The following CLUAP1 variants were observed in gnomAD, a reference collection of about 807,000 sequenced individuals.
The protein encoded by CLUAP1 is clusterin-associated protein 1.
A neutral mutation model predicts 55.0 loss-of-function variants in CLUAP1; 50 were observed. The observed-to-expected ratio is 0.91, with a 90% CI of 0.72 to 1.15. The LOEUF is 1.15. Ranked by LOEUF, CLUAP1 falls within the 50% of genes most tolerant of loss-of-function variation. The pLI, the probability that CLUAP1 is intolerant of heterozygous loss-of-function variation, is 0.00. For synonymous variants in CLUAP1, 195 were observed against 175.4 expected (o/e 1.11, Z -0.88); for missense variants, 530 against 507.6 (o/e 1.04, Z -0.42).
upstream of CLUAP1, chr16:3,496,819 A>G: frequency 8.8e-6 from 3 of 342,680 alleles, no homozygotes; most frequent in South Asian, 7.4e-5. Flanking sequence ...ACAAAAAGTT[A>G]AAACATTCAA....
chr16:3,503,089 C>T (rs866145912), intron 1 of CLUAP1, among the ~76,000 whole-genome samples: 40 of 152,258 alleles, frequency 2.6e-4, no homozygotes, highest in African/African-American at 9.1e-4. Context: ...ATTCTCCTGC[C>T]CCAGCCTCCC....
chr16:3,517,404 T>C (rs1199201897), intron 6 of CLUAP1, among the ~76,000 whole-genome samples: 3 of 152,184 alleles, frequency 2.0e-5, no homozygotes, highest in Non-Finnish European at 4.4e-5. Context: ...CCTCCTGGGT[T>C]CGAGCAATTC....
intron 8 of CLUAP1, among the ~76,000 whole-genome samples, chr16:3,524,988 A>G (rs2037913567): frequency 6.6e-6 from 1 of 152,172 alleles, no homozygotes; most frequent in Admixed American, 6.5e-5. Context: ...TATTAAGGTT[A>G]TGCTAGGCTT....
At position 3,532,367 on chromosome 16, in the gene CLUAP1, C is replaced by T. The variant is rs934439602; in HGVS notation, c.1037-419C>T. Among the ~76,000 whole-genome samples, 31 of 127,172 alleles carry T rather than the reference C, an allele frequency of 2.4e-4. 1 individual carries two copies. The South Asian group carries it at 7.9e-3, about 32-fold the overall frequency. The allele number at this position is 127,172 out of a possible 152,430, so 83.4% of individuals were successfully genotyped here. A position where few individuals can be genotyped will look rare whatever the true frequency, so the allele number is the denominator to read the frequency against. On this transcript the variant is annotated intron_variant, in intron 10 of 11. Coordinates refer to ENST00000576634, the MANE Select transcript of CLUAP1 (RefSeq NM_015041.3). ...CCTATATTTGCCTTTAAAAACATTT[C>T]TTATCTACCACCTGTTAATGTTTGG...
intron 10 of CLUAP1, 80 bp from the exon 11 acceptor site, chr16:3,532,706 C>G (rs2038149850): frequency 6.7e-7 from 1 of 1,489,290 alleles, no homozygotes; most frequent in African/African-American, 1.4e-5. Flanking sequence ...CATGCCTGGC[C>G]AGAAAACAAA....
chr16:3,527,308 C>T (rs965526350), intron 9 of CLUAP1, among the ~76,000 whole-genome samples: 5 of 152,030 alleles, frequency 3.3e-5, no homozygotes, highest in African/African-American at 1.2e-4. Context: ...CAATCATAAC[C>T]TAGGAAAAAA....
Position 3,512,457 on chromosome 16 carries a change from C to T in CLUAP1, c.474C>T (p.Leu158=), listed in dbSNP as rs373991000. Residue 158 remains leucine, a synonymous_variant, in exon 5 of 12, where the codon CTC becomes CTT. Transcript: ENST00000576634. Reference sequence around the variant, plus strand: ...AAGGAGCATCTCTGTATGACTTGCTCGGCATGGAAGTAGAGTTGAGGGTAA... The same window carrying T: ...AAGGAGCATCTCTGTATGACTTGCTTGGCATGGAAGTAGAGTTGAGGGTAA... The part of the protein sequence containing the change: ...TSKGASLYDL[L]GMEVELREMR... 41 of 1,613,626 alleles carry T rather than the reference C, an allele frequency of 2.5e-5. No homozygotes were observed. Among genetic ancestry groups the T allele is most frequent in the African/African-American group, 4.0e-5 (3 of 74,928 alleles).
intron 1 of CLUAP1, among the ~76,000 whole-genome samples, chr16:3,503,818 C>G (rs1162634957): frequency 6.6e-6 from 1 of 152,140 alleles, no homozygotes; most frequent in Non-Finnish European, 1.5e-5. Flanking sequence ...CCCTTTGTGA[C>G]TTTGCTGTTT....
chr16:3,507,584 A>T (rs1272154353), intron 3 of CLUAP1, among the ~76,000 whole-genome samples: 1 of 151,348 alleles, frequency 6.6e-6, no homozygotes, highest in Non-Finnish European at 1.5e-5. Flanking sequence ...AATTAAAAAC[A>T]TTATGAAACA....
rs531848813 is a variant in CLUAP1 at position 3,508,449 on chromosome 16, A to C, written c.380A>C (p.Lys127Thr). 5 of 1,577,518 alleles carry C rather than the reference A, an allele frequency of 3.2e-6. No individual in the cohort carries two copies. Among genetic ancestry groups the C allele is most frequent in the African/African-American group, 1.4e-5 (1 of 72,342 alleles). Reference protein sequence around the residue: ...EIVEEDVNKFKFDLGSKIADL... With the variant: ...EIVEEDVNKFTFDLGSKIADL... The stretch of plus-strand genomic sequence containing the variant: ...GTAGAGGAAGATGTCAACAAGTTCA[A>C]GTTTGATCTTGGCTCAAAGGTAAGG... Residue 127 changes from lysine to threonine, a missense_variant, in exon 4 of 12, where the codon AAG (lysine) becomes ACG (threonine). Lys to Thr is a moderately conservative substitution (Grantham distance 78). Coordinates refer to ENST00000576634, the MANE Select transcript of CLUAP1 (RefSeq NM_015041.3).
intron 2 of CLUAP1, among the ~76,000 whole-genome samples, chr16:3,505,258 C>T (rs2151041644): frequency 6.6e-6 from 1 of 152,256 alleles, no homozygotes; most frequent in East Asian, 1.9e-4. Context: ...AGGCCGGGCG[C>T]AGTGGCTCAC....
intron 7 of CLUAP1, among the ~76,000 whole-genome samples, chr16:3,520,541 C>G (rs911261404): frequency 6.6e-6 from 1 of 152,144 alleles, no homozygotes; most frequent in African/African-American, 2.4e-5. Context: ...TAAACTCATT[C>G]TCTTTACTGC....
rs1187241412 is a variant in CLUAP1 at position 3,529,770 on chromosome 16, T to A, written c.929-798T>A. On this transcript the variant is annotated intron_variant, in intron 9 of 11. Coordinates refer to ENST00000576634, the MANE Select transcript of CLUAP1 (RefSeq NM_015041.3). ...TATATATTATATAATATATATTATATTATTATATATTATATAATATATATT... is the reference window on the plus strand; with the variant it reads ...TATATATTATATAATATATATTATAATATTATATATTATATAATATATATT... Among the ~76,000 whole-genome samples, 4 of 53,504 alleles carry A rather than the reference T, an allele frequency of 7.5e-5. No homozygotes were observed. In the South Asian group the frequency reaches 1.4e-3, roughly 19 times the overall value. The allele number at this position is 53,504 out of a possible 152,430, so 35.1% of individuals were successfully genotyped here.
chr16:3,505,864 C>G (rs1007882630), intron 2 of CLUAP1, among the ~76,000 whole-genome samples: 7 of 152,174 alleles, frequency 4.6e-5, no homozygotes, highest in Admixed American at 1.3e-4. Flanking sequence ...ATCTCTATTG[C>G]GTCTCTTCTT....
intron 3 of CLUAP1, among the ~76,000 whole-genome samples, chr16:3,506,863 G>A (rs956333083): frequency 2.0e-5 from 3 of 152,066 alleles, no homozygotes; most frequent in Non-Finnish European, 4.4e-5. Flanking sequence ...TTTCACCAGC[G>A]AAGTTCTTTT....
chr16:3,517,450 G>A (rs1477273239), intron 6 of CLUAP1, among the ~76,000 whole-genome samples: 1 of 151,908 alleles, frequency 6.6e-6, no homozygotes, highest in African/African-American at 2.4e-5. Context: ...GGAAGTACAG[G>A]CATGCGCCAC....
At chr16:3,518,658 A>G (rs1158746818) in intron 6 of CLUAP1, among the ~76,000 whole-genome samples, 1 of 152,166 alleles carries the variant, frequency 6.6e-6, no homozygotes, top group Non-Finnish European at 1.5e-5. Flanking sequence ...GTGAGGGTGA[A>G]CTCGCATTTC....
At chr16:3,501,208 C>A in intron 1 of CLUAP1, 119 bp downstream of exon 1, 1 of 1,068,536 alleles carries the variant, frequency 9.4e-7, no homozygotes, top group Middle Eastern at 3.0e-4. Context: ...TCCTTTCGGG[C>A]CTCTGCGCCT....
In CLUAP1 at chr16:3,515,498, TG is replaced by T. The variant is rs762145682; in HGVS notation, c.496-9del. 2 of 1,572,510 alleles carry T rather than the reference TG, an allele frequency of 1.3e-6. No individual in the cohort carries two copies. The highest frequency in any genetic ancestry group is 2.8e-5 in the African/African-American group (2 of 72,720). Reference sequence around the variant, plus strand: ...TGAAAATATACGTAAATGATTTTACTGTTTCCTAGGAAATGAGAACAGAAGC... The same window carrying T: ...TGAAAATATACGTAAATGATTTTACTTTTCCTAGGAAATGAGAACAGAAGC... On this transcript the variant is annotated splice_polypyrimidine_tract_variant and intron_variant, in intron 5 of 11. Coordinates refer to ENST00000576634, the MANE Select transcript of CLUAP1 (RefSeq NM_015041.3).
Sources: gnomAD v4.1 joint callset for allele counts (sites outside exome capture counted in the v4.1 genomes callset) on GRCh38, gnomAD v4.1.1 for gene constraint, MANE v1.5 for transcripts, NCBI Gene and HGNC (gene_info 2026-07-23, HGNC 2026-07-21) for gene names.